Variants in BMP2K observed in about 807,000 individuals in gnomAD.
BMP2K encodes the protein BMP2 inducible kinase.
In BMP2K, 74 loss-of-function variants were observed where a neutral mutation model predicts 116.0. The ratio of observed to expected loss-of-function variants is 0.64; its 90% CI spans 0.53 to 0.77. The LOEUF (loss-of-function observed/expected upper bound fraction) is 0.77, where lower values mean the gene tolerates loss of function less well. Ranked by LOEUF, BMP2K falls within the 30% of genes least tolerant of loss-of-function variation. The pLI, the probability that BMP2K is intolerant of heterozygous loss-of-function variation, is 0.00. For synonymous variants in BMP2K, 486 were observed against 502.5 expected (o/e 0.97, Z 0.44); for missense variants, 1,365 against 1,403.6 (o/e 0.97, Z 0.44).
At chr4:78,871,622 C>T (rs755443376) in intron 11 of BMP2K, among the ~76,000 whole-genome samples, 91 of 152,214 alleles carry the variant, frequency 6.0e-4, no homozygotes, top group Admixed American at 1.0e-3. Flanking sequence ...TCTAAACATC[C>T]TTAAATTGTG....
intron 2 of BMP2K, 137 bp downstream of exon 2, chr4:78,826,292 C>T (rs1410070980): frequency 3.2e-6 from 2 of 622,890 alleles, no homozygotes; most frequent in Non-Finnish European, 5.6e-6. Flanking sequence ...ACCTCCACCT[C>T]CCAGGTTCAA....
chr4:78,906,456 T>TGGATG (rs1410899654), intron 15 of BMP2K, among the ~76,000 whole-genome samples: 1 of 152,096 alleles, frequency 6.6e-6, no homozygotes, highest in Non-Finnish European at 1.5e-5. Context: ...AGCACAAAGG[T>TGGATG]GGTATAGATG....
intron 4 of BMP2K, among the ~76,000 whole-genome samples, chr4:78,843,436 T>TC (rs1361196301): frequency 6.6e-6 from 1 of 151,826 alleles, no homozygotes; most frequent in East Asian, 1.9e-4. Context: ...CTTTTTTTTT[T>TC]CTTCCATTTT....
At position 78,912,002 on chromosome 4, in the gene BMP2K, T is replaced by G. The variant is rs747675627; in HGVS notation, c.3455T>G (p.Phe1152Cys). ...TCCCAACCAGTCGAATTAGACCCAT[T>G]TGGTGCTGCTCCATTTCCTTCTAAA... ...QQSQPVELDP[F>C]GAAPFPSKQ Residue 1152 changes from phenylalanine to cysteine, a missense_variant, in exon 16 of 16, where the codon TTT becomes TGT. Transcript: ENST00000502613. The G allele has an allele frequency of 3.0e-5, 49 of 1,612,990 alleles. No individual in the cohort carries two copies. Among genetic ancestry groups the G allele is most frequent in the Non-Finnish European group, 3.2e-5 (38 of 1,179,364 alleles).
At chr4:78,817,606 G>C (rs1249137853) in intron 1 of BMP2K, among the ~76,000 whole-genome samples, 1 of 152,122 alleles carries the variant, frequency 6.6e-6, no homozygotes, top group Non-Finnish European at 1.5e-5. Context: ...AGGAAACTCT[G>C]AACCTTGTAT....
chr4:78,872,032 T>G (rs1577946319), intron 12 of BMP2K, 84 bp downstream of exon 12: 6 of 999,696 alleles, frequency 6.0e-6, no homozygotes, highest in East Asian at 2.6e-5. Flanking sequence ...ATTCAGAATT[T>G]AGTAATTCAA....
At chr4:78,845,440 TA>T (rs1436760681) in intron 5 of BMP2K, among the ~76,000 whole-genome samples, 2 of 151,682 alleles carry the variant, frequency 1.3e-5, no homozygotes, top group Admixed American at 1.3e-4. Context: ...TATTTAATAT[TA>T]AAAGGATTGA....
chr4:78,793,076 T>G (rs1728080711), intron 1 of BMP2K, among the ~76,000 whole-genome samples: 1 of 152,132 alleles, frequency 6.6e-6, no homozygotes, highest in Admixed American at 6.5e-5. Context: ...GCCACTCTAG[T>G]CTCCAAGTTT....
intron 1 of BMP2K, among the ~76,000 whole-genome samples, chr4:78,783,806 AAAAT>A (rs886454344): frequency 1.3e-4 from 20 of 151,860 alleles, no homozygotes; most frequent in Admixed American, 2.6e-4. Flanking sequence ...ACGCTGTCTC[AAAAT>A]AAATAAATAA....
intron 2 of BMP2K, among the ~76,000 whole-genome samples, chr4:78,829,908 TG>T (rs1730127316): frequency 6.6e-6 from 1 of 151,598 alleles, no homozygotes; most frequent in African/African-American, 2.4e-5. Context: ...TGGAGTGTGG[TG>T]GTGTGATCTT....
intron 1 of BMP2K, among the ~76,000 whole-genome samples, chr4:78,808,754 C>G (rs891774158): frequency 2.0e-5 from 3 of 152,052 alleles, no homozygotes; most frequent in African/African-American, 7.2e-5. Context: ...TATCCATATG[C>G]TCTTGAATTT....
chr4:78,832,452 C>T lies in BMP2K; in HGVS notation c.298-1130C>T, dbSNP rs193192088. On this transcript the variant is annotated intron_variant, in intron 2 of 15. Transcript: ENST00000502613. The stretch of plus-strand genomic sequence containing the variant: ...AAATAACTGCATTTGCACAATCTGA[C>T]TTTTTAAAATTCTGCTTTTATTTTC... 2.6e-3 allele frequency among the ~76,000 whole-genome samples: 394 copies of T among 152,204 alleles called. 1 individual carries two copies. The highest frequency in any genetic ancestry group is 4.4e-3 in the Non-Finnish European group (302 of 67,992).
intron 7 of BMP2K, among the ~76,000 whole-genome samples, chr4:78,854,181 T>A (rs1249315001): frequency 1.3e-5 from 2 of 149,892 alleles, no homozygotes; most frequent in South Asian, 2.1e-4. Context: ...TTTTTTTTTT[T>A]AAACTTTAGG....
chr4:78,859,035 G>A (rs1248545463), intron 7 of BMP2K: 1 of 151,846 alleles, frequency 6.6e-6, no homozygotes, highest in East Asian at 1.9e-4. Flanking sequence ...TGGATAACAT[G>A]TTAAGATACA....
At chr4:78,786,980 C>T (rs1727762077) in intron 1 of BMP2K, among the ~76,000 whole-genome samples, 1 of 152,124 alleles carries the variant, frequency 6.6e-6, no homozygotes, top group Non-Finnish European at 1.5e-5. Flanking sequence ...TTTTGAACTC[C>T]TGGCCTCAAG....
intron 5 of BMP2K, among the ~76,000 whole-genome samples, 162 bp from the exon 6 acceptor site, chr4:78,847,026 T>C (rs949930543): frequency 6.6e-6 from 1 of 151,564 alleles, no homozygotes; most frequent in African/African-American, 2.4e-5. Flanking sequence ...GTTTAATCCT[T>C]GACGGGTTTT....
chr4:78,817,151 A>G (rs1295545732), intron 1 of BMP2K, among the ~76,000 whole-genome samples: 3 of 152,236 alleles, frequency 2.0e-5, no homozygotes, highest in Non-Finnish European at 4.4e-5. Context: ...CAGAAGATAA[A>G]ATACATCCAT....
chr4:78,793,913 A>C (rs552767908), intron 1 of BMP2K, among the ~76,000 whole-genome samples: 2 of 152,070 alleles, frequency 1.3e-5, no homozygotes, highest in Non-Finnish European at 2.9e-5. Flanking sequence ...TTAAAATTTT[A>C]TATGTGGCTC....
Position 78,878,884 on chromosome 4 carries a change from A to G in BMP2K, c.1944A>G (p.Leu648=). The G allele has an allele frequency of 6.2e-7, 1 of 1,610,624 alleles. No individual in the cohort carries two copies. The highest frequency in any genetic ancestry group is 8.5e-7 in the Non-Finnish European group (1 of 1,178,934). ...TATTGGACAGAGAATTTGACCTTCT[A>G]AGATCAAGTAAGGGACACTTGAAGG... ...EELLDREFDL[L]RSNRLEERAS... Residue 648 remains leucine (L), a synonymous_variant, in exon 14 of 16, where the codon CTA becomes CTG. Transcript: ENST00000502613.
Sources: gnomAD v4.1 joint callset for allele counts (sites outside exome capture counted in the v4.1 genomes callset) on GRCh38, gnomAD v4.1.1 for gene constraint, MANE v1.5 for transcripts, NCBI Gene and HGNC (gene_info 2026-07-23, HGNC 2026-07-21) for gene names.